Variants in GRID1 observed in about 807,000 individuals in gnomAD.
GRID1 encodes glutamate ionotropic receptor delta type subunit 1.
GRID1 carries 28 observed loss-of-function variants against 98.0 expected under a neutral mutation model. That is an observed-to-expected ratio of 0.29 (90% CI 0.21 to 0.39). The LOEUF (loss-of-function observed/expected upper bound fraction) is 0.39, where lower values mean the gene tolerates loss of function less well. Ranked by LOEUF, GRID1 falls within the 10% of genes least tolerant of loss-of-function variation. The pLI, the probability that GRID1 is intolerant of heterozygous loss-of-function variation, is 1.00. For synonymous variants in GRID1, 553 were observed against 538.5 expected (o/e 1.03, Z -0.37); for missense variants, 1,111 against 1,340.5 (o/e 0.83, Z 2.67).
chr10:86,279,644 C>A (rs187110778), intron 2 of GRID1, among the ~76,000 whole-genome samples: 5 of 152,260 alleles, frequency 3.3e-5, no homozygotes, highest in Admixed American at 3.3e-4. Context: ...CAGCTAACAT[C>A]ATATTTAGTG....
chr10:86,150,869 C>G (rs1020482607), intron 3 of GRID1, among the ~76,000 whole-genome samples: 1 of 152,182 alleles, frequency 6.6e-6, no homozygotes, highest in Non-Finnish European at 1.5e-5. Context: ...AGTGCCCTCA[C>G]AAGACGTCAG....
At chr10:85,796,034 C>T (rs899872347) in intron 8 of GRID1, among the ~76,000 whole-genome samples, 21 of 152,048 alleles carry the variant, frequency 1.4e-4, no homozygotes, top group African/African-American at 4.6e-4. Context: ...TTGGAATTGA[C>T]GAAGAAAAGA....
intron 5 of GRID1, among the ~76,000 whole-genome samples, chr10:85,888,433 C>G (rs1841148370): frequency 6.6e-6 from 1 of 152,214 alleles, no homozygotes; most frequent in Non-Finnish European, 1.5e-5. Context: ...GGTATACCAG[C>G]CAGAGAAGTC....
At chr10:85,839,068 AGT>A (rs1159750735) in intron 8 of GRID1, among the ~76,000 whole-genome samples, 1 of 152,252 alleles carries the variant, frequency 6.6e-6, no homozygotes, top group East Asian at 1.9e-4. Flanking sequence ...ATAATGGTAA[AGT>A]GTTCAATTCG....
intron 2 of GRID1, among the ~76,000 whole-genome samples, chr10:86,283,648 A>C (rs1211978415): frequency 6.6e-6 from 1 of 151,042 alleles, no homozygotes; most frequent in African/African-American, 2.4e-5. Context: ...TCACACACAC[A>C]CCTGCACATA....
chr10:85,956,961 G>A (rs756060623), intron 4 of GRID1, among the ~76,000 whole-genome samples: 1 of 152,154 alleles, frequency 6.6e-6, no homozygotes, highest in Non-Finnish European at 1.5e-5. Flanking sequence ...GGCTGGGAAG[G>A]CCTCAGGAAA....
At chr10:86,007,822 T>TTTTTA (rs1842881127) in intron 4 of GRID1, among the ~76,000 whole-genome samples, 1 of 148,748 alleles carries the variant, frequency 6.7e-6, no homozygotes, top group Non-Finnish European at 1.5e-5. Context: ...TTTTGTGTTT[T>TTTTTA]TTTATTTATT....
chr10:86,141,933 C>T lies in GRID1; in HGVS notation c.521-2909G>A, dbSNP rs547644983. 5.3e-5 allele frequency among the ~76,000 whole-genome samples: 8 copies of T among 152,370 alleles called. No homozygotes were observed. In the South Asian group the frequency reaches 1.4e-3, roughly 28 times the overall value. On this transcript the variant is annotated intron_variant, in intron 3 of 15. Coordinates refer to ENST00000327946, the MANE Select transcript of GRID1 (RefSeq NM_017551.3). ...TAATCCCAGGCTTTTTGTTCTGTCA[C>T]TGTGAGGACTCCTCTAGCTCCAGCT...
At chr10:86,286,543 G>A (rs1046763066) in intron 2 of GRID1, among the ~76,000 whole-genome samples, 1 of 152,204 alleles carries the variant, frequency 6.6e-6, no homozygotes, top group East Asian at 1.9e-4. Context: ...GGAATTTGCA[G>A]TACAGGATGC....
In GRID1 at chr10:85,863,377, C is replaced by T. The variant is rs1010064722; in HGVS notation, c.951+5633G>A. ...CCCTCATCACCTCCCAAAGGTCCCA[C>T]CTCCTAATACTGTCACCTTGGGGAT... is the stretch of plus-strand genomic sequence containing the variant. On this transcript the variant is annotated intron_variant, in intron 6 of 15. Coordinates refer to ENST00000327946, the MANE Select transcript of GRID1 (RefSeq NM_017551.3). 5.3e-5 allele frequency among the ~76,000 whole-genome samples: 8 copies of T among 152,182 alleles called. No homozygotes were observed. The South Asian group carries it at 1.7e-3, about 32-fold the overall frequency.
rs1370006257 is a variant in GRID1, at chr10:86,214,561, C to A, written c.236-7913G>T. 2.6e-5 allele frequency among the ~76,000 whole-genome samples: 4 copies of A among 152,240 alleles called. No homozygotes were observed. The East Asian group carries it at 7.7e-4, about 29-fold the overall frequency. On this transcript the variant is annotated intron_variant, in intron 2 of 15. Transcript: ENST00000327946. ...CCCCCCTGACCCCCAGCACCCAGCA[C>A]AGCACAGCAGAGCAAGAAACTATGT...
chr10:86,358,919 C>T (rs1270728485), intron 2 of GRID1, among the ~76,000 whole-genome samples: 2 of 151,824 alleles, frequency 1.3e-5, no homozygotes, highest in Non-Finnish European at 2.9e-5. Context: ...AAGGCCTTGA[C>T]CCGCCATTGC....
At chr10:86,008,859 T>C (rs978425657) in intron 4 of GRID1, among the ~76,000 whole-genome samples, 3 of 152,256 alleles carry the variant, frequency 2.0e-5, no homozygotes, top group African/African-American at 7.2e-5. Flanking sequence ...TCCCCAGCGA[T>C]CCAGCGCCAC....
chr10:85,813,083 A>G (rs567590530), intron 8 of GRID1, among the ~76,000 whole-genome samples: 1 of 151,918 alleles, frequency 6.6e-6, no homozygotes, highest in South Asian at 2.1e-4. Flanking sequence ...GAAAGATCAG[A>G]GCCTCTAGGA....
rs80322948 is a variant in GRID1 at position 86,300,283 on chromosome 10, T to C, written c.235+63658A>G. Among the ~76,000 whole-genome samples, 462 of 151,768 alleles carry C rather than the reference T, an allele frequency of 3.0e-3. 2 individuals are homozygous for C. Among genetic ancestry groups the C allele is most frequent in the African/African-American group, 0.01 (424 of 41,338 alleles). On this transcript the variant is annotated intron_variant, in intron 2 of 15. Transcript: ENST00000327946. ...TTCTGTTGTTGTAAGCCATCCAGTT[T>C]GTGGAAATTTGATATGGTAGCCCTA...
chr10:85,726,616 G>C (rs1474519419), intron 10 of GRID1, among the ~76,000 whole-genome samples: 1 of 152,184 alleles, frequency 6.6e-6, no homozygotes, highest in African/African-American at 2.4e-5. Flanking sequence ...AGAAGCTGCA[G>C]AGAAGGATGG....
intron 4 of GRID1, among the ~76,000 whole-genome samples, chr10:86,044,449 T>A (rs1419750892): frequency 1.3e-5 from 2 of 152,190 alleles, no homozygotes; most frequent in African/African-American, 4.8e-5. Context: ...ACATTGCTGA[T>A]CAACAGAAGA....
intron 3 of GRID1, among the ~76,000 whole-genome samples, chr10:86,153,978 G>A (rs996109250): frequency 2.6e-5 from 4 of 152,212 alleles, no homozygotes; most frequent in African/African-American, 7.2e-5. Context: ...TGCCGCACCC[G>A]CCCAGGCCTG....
At chr10:86,005,162 G>A (rs10749531) in intron 4 of GRID1, among the ~76,000 whole-genome samples, 152,230 of 152,232 alleles carry the variant, frequency 1, 76,114 homozygotes, top group Middle Eastern at 1. Context: ...ACAGCTGGTC[G>A]GTTTTGGTAC....
Sources: allele counts gnomAD v4.1 joint callset (sites outside exome capture counted in the v4.1 genomes callset), GRCh38; gene constraint gnomAD v4.1.1; transcripts MANE v1.5; gene names NCBI Gene and HGNC (gene_info 2026-07-23, HGNC 2026-07-21).